Variants in BMPER observed in about 807,000 individuals in gnomAD.
The protein encoded by BMPER is BMP binding endothelial regulator.
Under a neutral mutation model 87.3 loss-of-function variants are expected in BMPER, and 45 were observed. The observed-to-expected ratio is 0.52, with a 90% CI of 0.41 to 0.66. The LOEUF (loss-of-function observed/expected upper bound fraction) is 0.66. BMPER is among the 30% of genes least tolerant of loss of function. BMPER has a pLI of 0.00. For missense variants in BMPER, 784 were observed against 867.5 expected, an observed-to-expected ratio of 0.90 and a Z score of 1.21; for synonymous variants, 326 against 316.2, an observed-to-expected ratio of 1.03 and a Z score of -0.33.
intron 3 of BMPER, among the ~76,000 whole-genome samples, chr7:33,943,129 G>A (rs755062338): frequency 1.6e-4 from 24 of 152,118 alleles, no homozygotes; most frequent in Non-Finnish European, 3.4e-4. Flanking sequence ...AAACAAGAAA[G>A]GAGAAAGAAG....
chr7:34,046,423 G>T lies in BMPER; in HGVS notation c.676+18G>T. On this transcript the variant is annotated intron_variant, in intron 7 of 14. Coordinates refer to ENST00000649409, the MANE Select transcript of BMPER (RefSeq NM_001365308.1). ...ATGTTTGGGTGAGTTACTATTTTCA[G>T]GTCAAAGAACAATGTAATTTCTTCT... is the stretch of plus-strand genomic sequence containing the variant. 1 of 1,601,904 alleles carries T rather than the reference G, an allele frequency of 6.2e-7. No individual in the cohort carries two copies. Among genetic ancestry groups the T allele is most frequent in the Middle Eastern group, 1.7e-4 (1 of 6,024 alleles).
chr7:33,996,192 G>T (rs1786406340), intron 6 of BMPER, among the ~76,000 whole-genome samples: 1 of 152,120 alleles, frequency 6.6e-6, no homozygotes, highest in Admixed American at 6.5e-5. Context: ...AAACTGTAGG[G>T]CTTTGGAGCC....
chr7:33,958,234 A>G (rs1005779840), intron 3 of BMPER, among the ~76,000 whole-genome samples: 2 of 152,196 alleles, frequency 1.3e-5, no homozygotes, highest in African/African-American at 2.4e-5. Context: ...TTCTTAGCAT[A>G]AACACTTCTA....
At chr7:33,995,476 G>A (rs1025186244) in intron 6 of BMPER, among the ~76,000 whole-genome samples, 2 of 152,160 alleles carry the variant, frequency 1.3e-5, no homozygotes, top group African/African-American at 4.8e-5. Flanking sequence ...TATCATGGAT[G>A]CTGCTGAATG....
intron 7 of BMPER, among the ~76,000 whole-genome samples, chr7:34,049,562 C>T (rs544610238): frequency 4.0e-4 from 61 of 152,160 alleles, no homozygotes; most frequent in Non-Finnish European, 6.3e-4. Flanking sequence ...AGAAGGGCCT[C>T]TGCAGAAACA....
intron 13 of BMPER, among the ~76,000 whole-genome samples, chr7:34,101,051 G>T (rs1164617836): frequency 1.3e-5 from 2 of 152,190 alleles, no homozygotes; most frequent in Non-Finnish European, 2.9e-5. Context: ...ACAAGGTCCG[G>T]ACATGATCTT....
At chr7:33,942,971 C>T (rs1371537025) in intron 3 of BMPER, among the ~76,000 whole-genome samples, 1 of 151,962 alleles carries the variant, frequency 6.6e-6, no homozygotes, top group African/African-American at 2.4e-5. Flanking sequence ...CAAGAACTGG[C>T]CTCACTTCCT....
intron 13 of BMPER, among the ~76,000 whole-genome samples, chr7:34,088,833 T>A (rs74557272): frequency 6.6e-6 from 1 of 152,174 alleles, no homozygotes; most frequent in Admixed American, 6.5e-5. Context: ...CCTGATGTCA[T>A]CACGGAGGAC....
At chr7:34,098,065 G>A (rs1350522684) in intron 13 of BMPER, among the ~76,000 whole-genome samples, 5 of 152,116 alleles carry the variant, frequency 3.3e-5, no homozygotes, top group Non-Finnish European at 7.4e-5. Flanking sequence ...CCCAGAGAAA[G>A]TGCTGGACTT....
intron 2 of BMPER, among the ~76,000 whole-genome samples, chr7:33,931,117 T>C (rs1784469619): frequency 6.6e-6 from 1 of 152,196 alleles, no homozygotes. Context: ...TAGGTTACCT[T>C]GTACTAGGGC....
chr7:34,058,597 A>C (rs1437680246), intron 10 of BMPER, among the ~76,000 whole-genome samples: 1 of 152,178 alleles, frequency 6.6e-6, no homozygotes, highest in Non-Finnish European at 1.5e-5. Context: ...CTCCTGCCTC[A>C]CGGCATCCCC....
At chr7:33,910,741 C>T (rs1863763) in intron 2 of BMPER, among the ~76,000 whole-genome samples, 2,343 of 151,550 alleles carry the variant, frequency 0.015, 64 homozygotes, top group African/African-American at 0.054. Flanking sequence ...TGGAGCCAAT[C>T]AAATAGTGAA....
chr7:33,929,956 A>G (rs1473368565), intron 2 of BMPER, among the ~76,000 whole-genome samples: 1 of 152,202 alleles, frequency 6.6e-6, no homozygotes, highest in Admixed American at 6.5e-5. Flanking sequence ...GGCCCTGACT[A>G]TGGAAGGGAT....
intron 6 of BMPER, among the ~76,000 whole-genome samples, chr7:34,017,331 C>T (rs1201328662): frequency 1.3e-5 from 2 of 151,792 alleles, no homozygotes; most frequent in South Asian, 2.1e-4. Flanking sequence ...TTAATTGACT[C>T]GCGGTTCCTC....
chr7:34,051,911 G>A lies in BMPER; in HGVS notation c.727G>A (p.Asp243Asn). 6.2e-7 allele frequency: 1 copy of A among 1,614,026 alleles called. No individual in the cohort carries two copies. Among genetic ancestry groups the A allele is most frequent in the African/African-American group, 1.3e-5 (1 of 75,046 alleles). The change falls in exon 8 of 15, where the codon GAT becomes AAT. Residue 243 changes from aspartate (D) to asparagine (N), a missense_variant. Physicochemically the swap from Asp to Asn is conservative, Grantham distance 23. Transcript: ENST00000649409. ...TTTTGGGAGCTGCCTCTTTCGAAGT[G>A]ATGTTTATGACAATGGATCCTCATT... ...LPFGSCLFRS[D>N]VYDNGSSFLY...
At chr7:34,078,700 T>C (rs1017297806) in intron 11 of BMPER, among the ~76,000 whole-genome samples, 157 bp from the exon 12 acceptor site, 3 of 152,200 alleles carry the variant, frequency 2.0e-5, no homozygotes, top group Non-Finnish European at 4.4e-5. Context: ...CTGTGAGGTT[T>C]GACACGAACC....
intron 13 of BMPER, among the ~76,000 whole-genome samples, chr7:34,120,431 T>C (rs1417503825): frequency 6.6e-6 from 1 of 151,644 alleles, no homozygotes; most frequent in Non-Finnish European, 1.5e-5. Flanking sequence ...GGAGTTTTGC[T>C]CTCGTTGCCC....
chr7:33,974,932 C>T, intron 6 of BMPER, 148 bp downstream of exon 6: 1 of 805,306 alleles, frequency 1.2e-6, no homozygotes, highest in Non-Finnish European at 2.1e-6. Flanking sequence ...GAGGGAAAAG[C>T]TCATCCACCT....
chr7:33,989,750 T>C (rs1786146920), intron 6 of BMPER, among the ~76,000 whole-genome samples: 1 of 152,204 alleles, frequency 6.6e-6, no homozygotes. Context: ...TGGTTTTAGG[T>C]CTAACGTTTA....
Sources: allele counts gnomAD v4.1 joint callset (sites outside exome capture counted in the v4.1 genomes callset), GRCh38; gene constraint gnomAD v4.1.1; transcripts MANE v1.5; gene names NCBI Gene and HGNC (gene_info 2026-07-23, HGNC 2026-07-21).